RADIL: variants seen among roughly 807,000 people sequenced by gnomAD.
The protein encoded by RADIL is ras-associating and dilute domain-containing protein.
RADIL carries 99 observed loss-of-function variants against 97.6 expected under a neutral mutation model. The ratio of observed to expected loss-of-function variants is 1.01; its 90% CI spans 0.86 to 1.20. RADIL has a LOEUF of 1.20. RADIL is among the 50% of genes most tolerant of loss of function. The pLI is 0.00. For synonymous variants in RADIL, 803 were observed against 691.8 expected, an observed-to-expected ratio of 1.16 and a Z score of -2.52; for missense variants, 1,765 against 1,498.9, an observed-to-expected ratio of 1.18 and a Z score of -2.93.
At chr7:4,820,781 C>T (rs1782810234) in intron 6 of RADIL, among the ~76,000 whole-genome samples, 1 of 152,200 alleles carries the variant, frequency 6.6e-6, no homozygotes, top group Admixed American at 6.5e-5. Context: ...CTGGTCTCTG[C>T]AGCCCGGCCC....
intron 2 of RADIL, among the ~76,000 whole-genome samples, chr7:4,875,395 A>G (rs1343673439): frequency 6.6e-6 from 1 of 151,538 alleles, no homozygotes; most frequent in African/African-American, 2.4e-5. Flanking sequence ...TCCATCTCAA[A>G]AAAAAAAAAA....
At chr7:4,827,911 C>CAA (rs200406911) in intron 5 of RADIL, among the ~76,000 whole-genome samples, 7 of 146,966 alleles carry the variant, frequency 4.8e-5, no homozygotes, top group South Asian at 2.2e-4. Flanking sequence ...AACAAACAAA[C>CAA]AAACAAAAAA....
Position 4,849,789 on chromosome 7 carries a change from C to T in RADIL, c.536-13184G>A, listed in dbSNP as rs1288376063. Among the ~76,000 whole-genome samples the T allele has an allele frequency of 2.0e-5, 3 of 152,204 alleles. No individual in the cohort carries two copies. Among genetic ancestry groups the T allele is most frequent in the Non-Finnish European group, 2.9e-5 (2 of 68,020 alleles). On this transcript the variant is annotated intron_variant, in intron 2 of 14. Coordinates refer to ENST00000399583, the MANE Select transcript of RADIL (RefSeq NM_018059.5). The surrounding 1 kb of genome is among the most constrained non-coding windows in gnomAD (Gnocchi z 5.4). ...TCACTCCTGCATACCTTTCTGCGTA[C>T]GCACAAAACGAACACAGATCACAAT...
At chr7:4,832,248 C>T (rs200355140) in intron 4 of RADIL, 70 bp from the exon 5 acceptor site, 2 of 1,456,188 alleles carry the variant, frequency 1.4e-6, no homozygotes, top group Non-Finnish European at 1.9e-6. Flanking sequence ...TTCAAATACA[C>T]GATACCATCG....
At chr7:4,860,492 A>G (rs1354196192) in intron 2 of RADIL, 7 of 1,614,162 alleles carry the variant, frequency 4.3e-6, no homozygotes, top group East Asian at 2.2e-5. Context: ...CCCTAACCCA[A>G]TCACCCACAT....
At chr7:4,802,669 C>G (rs1166205237) in intron 11 of RADIL, among the ~76,000 whole-genome samples, 1 of 122,278 alleles carries the variant, frequency 8.2e-6, no homozygotes. Flanking sequence ...GGCTGGGGGG[C>G]CCCCTCCCCG....
chr7:4,861,022 A>G (rs773801036), intron 2 of RADIL: 10 of 1,614,124 alleles, frequency 6.2e-6, no homozygotes, highest in African/African-American at 1.3e-5. Flanking sequence ...ACGCTACTGC[A>G]TTTGGATAAA....
rs978531313 is a variant in RADIL at position 4,879,746 on chromosome 7, C to T, written c.-64-1543G>A. ...CTCCAAAGAAAAGGAGCCACACTGT[C>T]CCTTAGGAAACTAAACAGTGGAACC... is the stretch of plus-strand genomic sequence containing the variant. On this transcript the variant is annotated intron_variant, in intron 1 of 14. Coordinates refer to ENST00000399583, the MANE Select transcript of RADIL (RefSeq NM_018059.5). The surrounding 1 kb of genome is among the most constrained non-coding windows in gnomAD (Gnocchi z 4.1). Among the ~76,000 whole-genome samples the T allele has an allele frequency of 6.6e-6, 1 of 152,218 alleles. No homozygotes were observed. The highest frequency in any genetic ancestry group is 1.5e-5 in the Non-Finnish European group (1 of 68,034).
At chr7:4,836,150 C>T (rs1783292372) in intron 3 of RADIL, among the ~76,000 whole-genome samples, 1 of 152,244 alleles carries the variant, frequency 6.6e-6, no homozygotes. Context: ...CCCCCACTGC[C>T]GCCCACCGTG....
chr7:4,798,144 T>A lies in RADIL; in HGVS notation c.*1234A>T, dbSNP rs1342499226. 1.3e-5 allele frequency: 2 copies of A among 149,310 alleles called. No homozygotes were observed. The highest frequency in any genetic ancestry group is 3.0e-5 in the Non-Finnish European group (2 of 67,480). 9.2% of individuals were successfully genotyped at this position (149,310 alleles called of 1,614,324 possible). A position where few individuals can be genotyped will look rare whatever the true frequency, so the allele number is the denominator to read the frequency against. ...TAAATATATATACAAACACTATATA[T>A]ATATATATATTTTATCCAGTATTTT... is the stretch of plus-strand genomic sequence containing the variant. On this transcript the variant is annotated 3_prime_UTR_variant, in exon 15 of 15. Coordinates refer to ENST00000399583, the MANE Select transcript of RADIL (RefSeq NM_018059.5).
In RADIL at chr7:4,804,892, C is replaced by T. The variant is rs181102014; in HGVS notation, c.2290+674G>A. On this transcript the variant is annotated intron_variant, in intron 10 of 14. Coordinates refer to ENST00000399583, the MANE Select transcript of RADIL (RefSeq NM_018059.5). Reference sequence around the variant, plus strand: ...GGGCGAATCACCTAGGTCAGGAGTTCGAGACCAGCCTGGCTAAGATGGTGA... The same window carrying T: ...GGGCGAATCACCTAGGTCAGGAGTTTGAGACCAGCCTGGCTAAGATGGTGA... 6.4e-3 allele frequency among the ~76,000 whole-genome samples: 973 copies of T among 151,906 alleles called. 44 individuals are homozygous for T. The highest frequency in any genetic ancestry group is 1.2e-3 in the Non-Finnish European group (80 of 67,978).
chr7:4,835,278 G>A lies in RADIL; in HGVS notation c.784-39C>T, dbSNP rs1783264160. The A allele has an allele frequency of 7.5e-6, 12 of 1,594,638 alleles. No homozygotes were observed. Among genetic ancestry groups the A allele is most frequent in the Non-Finnish European group, 1.0e-5 (12 of 1,176,614 alleles). ...TCCGCTCAGGGCAGGCGTAACGCGA[G>A]CAGCACACGGGAAAAGCGTCCCGTG... On this transcript the variant is annotated intron_variant, in intron 3 of 14. Transcript: ENST00000399583. The surrounding 1 kb of genome is among the most constrained non-coding windows in gnomAD (Gnocchi z 5.8).
chr7:4,881,132 A>G (rs1784475962), intron 1 of RADIL, among the ~76,000 whole-genome samples: 1 of 116,368 alleles, frequency 8.6e-6, no homozygotes. Context: ...AAAAAAAAAG[A>G]TGGCTGGGCA....
chr7:4,851,398 A>C (rs1783705899), intron 2 of RADIL, among the ~76,000 whole-genome samples: 1 of 152,178 alleles, frequency 6.6e-6, no homozygotes, highest in African/African-American at 2.4e-5. Flanking sequence ...TGCACAGTAA[A>C]GACATTGCTT....
chr7:4,858,405 C>T (rs188895557), intron 2 of RADIL: 1 of 152,350 alleles, frequency 6.6e-6, no homozygotes, highest in Admixed American at 6.5e-5. Flanking sequence ...TGCTCTACTG[C>T]TTAATTATGA....
intron 9 of RADIL, among the ~76,000 whole-genome samples, chr7:4,807,578 TCTCC>T (rs1399717475): frequency 1.8e-4 from 12 of 65,264 alleles, no homozygotes; most frequent in South Asian, 8.9e-4. Context: ...TCCTTCTCTC[TCTCC>T]CTGTCTCCCC....
At position 4,835,901 on chromosome 7, in the gene RADIL, C is replaced by T. The variant is rs533596365; in HGVS notation, c.783+457G>A. Among the ~76,000 whole-genome samples the T allele has an allele frequency of 1.4e-3, 207 of 152,346 alleles. No individual in the cohort carries two copies. Among genetic ancestry groups the T allele is most frequent in the Admixed American group, 4.8e-3 (74 of 15,300 alleles). Reference sequence around the variant, plus strand: ...CTGCTCTGATGGAAGTGGTGAGAAACGGCTCTGGGCAGATAGGGGTGGCAT... The same window carrying T: ...CTGCTCTGATGGAAGTGGTGAGAAATGGCTCTGGGCAGATAGGGGTGGCAT... On this transcript the variant is annotated intron_variant, in intron 3 of 14. Transcript: ENST00000399583. This position sits in a 1 kb window ranked among gnomAD's most constrained non-coding sequence, Gnocchi z 5.8.
chr7:4,870,950 G>A (rs1315992847), intron 2 of RADIL, among the ~76,000 whole-genome samples: 3 of 152,184 alleles, frequency 2.0e-5, no homozygotes, highest in Non-Finnish European at 4.4e-5. Flanking sequence ...CAAACTGAAG[G>A]TTACTGATTT....
At position 4,836,666 on chromosome 7, in the gene RADIL, G is replaced by A. The variant is rs987642329; in HGVS notation, c.536-61C>T. 1.3e-5 allele frequency: 21 copies of A among 1,592,070 alleles called. 1 individual carries two copies. The South Asian group carries it at 1.6e-4, about 12-fold the overall frequency. On this transcript the variant is annotated intron_variant, in intron 2 of 14. Transcript: ENST00000399583. ...GTCTCATAGCACCAGGACTGGGCGC[G>A]GTGGCTCACCCCTGTAATCCCAGCA...
Sources: allele counts gnomAD v4.1 joint callset (sites outside exome capture counted in the v4.1 genomes callset), GRCh38; gene constraint gnomAD v4.1.1; non-coding constraint Gnocchi (gnomAD v3.1); transcripts MANE v1.5; gene names NCBI Gene and HGNC (gene_info 2026-07-23, HGNC 2026-07-21).